The following MAPK4 variants were observed in gnomAD, a reference collection of about 807,000 sequenced individuals.
The protein encoded by MAPK4 is mitogen-activated protein kinase 4.
Under a neutral mutation model 47.7 loss-of-function variants are expected in MAPK4, and 22 were observed. The observed-to-expected ratio is 0.46, with a 90% CI of 0.33 to 0.66. The LOEUF is 0.66. Among genes scored for constraint, MAPK4 ranks in the 30% least tolerant of loss-of-function variants. MAPK4 has a pLI of 0.02. For missense variants in MAPK4, 736 were observed against 831.7 expected (o/e 0.88, Z 1.42); for synonymous variants, 390 against 365.7 (o/e 1.07, Z -0.76).
chr18:50,718,153 A>G (rs1447932519), intron 3 of MAPK4, among the ~76,000 whole-genome samples: 1 of 152,352 alleles, frequency 6.6e-6, no homozygotes, highest in East Asian at 1.9e-4. Context: ...AATGGCTAAC[A>G]GTGGCCTTTC....
At chr18:50,584,011 A>G (rs2042368614) in intron 1 of MAPK4, among the ~76,000 whole-genome samples, 1 of 152,196 alleles carries the variant, frequency 6.6e-6, no homozygotes, top group South Asian at 2.1e-4. Context: ...TTCAGGGCAT[A>G]TTGAGGATTG....
chr18:50,635,904 A>G (rs1022752280), intron 1 of MAPK4, among the ~76,000 whole-genome samples: 9 of 152,186 alleles, frequency 5.9e-5, no homozygotes, highest in Admixed American at 5.9e-4. Flanking sequence ...GGCCTGGTCC[A>G]CTATAGTCCA....
rs763078166 is a variant in MAPK4 at position 50,664,268 on chromosome 18, G to A, written c.310G>A (p.Val104Ile). The change falls in exon 2 of 6, where the codon GTC becomes ATC. Residue 104 changes from valine (V) to isoleucine (I), a missense_variant. Physicochemically the swap from Val to Ile is conservative, Grantham distance 29 (BLOSUM62 3). Coordinates refer to ENST00000400384, the MANE Select transcript of MAPK4 (RefSeq NM_002747.4). This position sits in a 1 kb window ranked among gnomAD's most constrained non-coding sequence, Gnocchi z 6.0. Reference protein sequence around the residue: ...ELFKFSVAYIVQEYMETDLAR... With the variant: ...ELFKFSVAYIIQEYMETDLAR... ...GTTCAAGTTCAGCGTGGCGTACATCGTCCAGGAGTACATGGAGACCGACCT... is the reference window on the plus strand; with the variant it reads ...GTTCAAGTTCAGCGTGGCGTACATCATCCAGGAGTACATGGAGACCGACCT... 71 of 1,613,528 alleles carry A rather than the reference G, an allele frequency of 4.4e-5. No homozygotes were observed. Among genetic ancestry groups the A allele is most frequent in the South Asian group, 2.7e-4 (25 of 91,084 alleles).
chr18:50,699,489 AAATAT>A (rs1909671230), intron 2 of MAPK4, among the ~76,000 whole-genome samples: 1 of 152,256 alleles, frequency 6.6e-6, no homozygotes, highest in Admixed American at 6.5e-5. Context: ...CAATATTGCT[AAATAT>A]AAGATCAATA....
At chr18:50,624,672 T>C (rs1356112689) in intron 1 of MAPK4, among the ~76,000 whole-genome samples, 1 of 152,256 alleles carries the variant, frequency 6.6e-6, no homozygotes, top group African/African-American at 2.4e-5. Flanking sequence ...ATGATGAATT[T>C]ACAATTTTTT....
chr18:50,719,004 A>T (rs1910782210), intron 3 of MAPK4, among the ~76,000 whole-genome samples: 1 of 151,396 alleles, frequency 6.6e-6, no homozygotes, highest in Non-Finnish European at 1.5e-5. Flanking sequence ...GAATTGCTTG[A>T]ACCAGGACGG....
intron 2 of MAPK4, among the ~76,000 whole-genome samples, chr18:50,694,371 C>T (rs1046577955): frequency 6.6e-6 from 1 of 152,180 alleles, no homozygotes; most frequent in African/African-American, 2.4e-5. Flanking sequence ...CCCCTCACCT[C>T]AGAAGTCCCC....
intron 1 of MAPK4, among the ~76,000 whole-genome samples, chr18:50,604,533 C>G (rs2042566809): frequency 6.6e-6 from 1 of 152,206 alleles, no homozygotes; most frequent in Non-Finnish European, 1.5e-5. Flanking sequence ...CTTGCTAAAT[C>G]CTAAACAGTT....
intron 1 of MAPK4, among the ~76,000 whole-genome samples, chr18:50,613,752 C>T (rs2042659686): frequency 6.6e-6 from 1 of 152,108 alleles, no homozygotes. Flanking sequence ...GAATAATAAC[C>T]AATGAATTAT....
intron 1 of MAPK4, among the ~76,000 whole-genome samples, chr18:50,620,303 A>T (rs1319836757): frequency 6.6e-6 from 1 of 152,206 alleles, no homozygotes; most frequent in Non-Finnish European, 1.5e-5. Context: ...GCTGACTAGA[A>T]CTTGGATCTC....
intron 1 of MAPK4, among the ~76,000 whole-genome samples, chr18:50,622,778 T>C (rs1040674627): frequency 1.3e-5 from 2 of 152,250 alleles, no homozygotes; most frequent in African/African-American, 4.8e-5. Context: ...ATTTTGTGAA[T>C]GATTGTATAG....
intron 1 of MAPK4, among the ~76,000 whole-genome samples, chr18:50,586,059 C>A (rs917827014): frequency 2.6e-5 from 4 of 152,086 alleles, no homozygotes; most frequent in African/African-American, 9.7e-5. Flanking sequence ...CAGTAATGAC[C>A]CATTATCATC....
chr18:50,680,246 C>A (rs1908517722), intron 2 of MAPK4, among the ~76,000 whole-genome samples: 1 of 151,738 alleles, frequency 6.6e-6, no homozygotes, highest in South Asian at 2.1e-4. Flanking sequence ...TGCCCACCAC[C>A]ACGCCCAGCT....
intron 1 of MAPK4, among the ~76,000 whole-genome samples, chr18:50,648,838 G>A (rs1490627108): frequency 6.6e-6 from 1 of 152,158 alleles, no homozygotes; most frequent in Non-Finnish European, 1.5e-5. Context: ...TGGCCTCATG[G>A]GGGCAGGTCA....
intron 1 of MAPK4, among the ~76,000 whole-genome samples, chr18:50,592,808 CTT>C (rs1410753488): frequency 2.0e-5 from 3 of 152,184 alleles, no homozygotes; most frequent in Non-Finnish European, 4.4e-5. Flanking sequence ...TGTAGTCCAA[CTT>C]TTCATCTAAT....
At chr18:50,608,505 A>G (rs1016179785) in intron 1 of MAPK4, among the ~76,000 whole-genome samples, 4 of 152,126 alleles carry the variant, frequency 2.6e-5, no homozygotes, top group African/African-American at 9.7e-5. Context: ...ATGACAACTC[A>G]AGGTGTTATC....
At chr18:50,601,679 C>T (rs914658409) in intron 1 of MAPK4, among the ~76,000 whole-genome samples, 1 of 152,112 alleles carries the variant, frequency 6.6e-6, no homozygotes, top group African/African-American at 2.4e-5. Flanking sequence ...TCTTGGAGAT[C>T]CTGTTTGCTG....
At chr18:50,728,305 G>A (rs1284618352) in intron 5 of MAPK4, among the ~76,000 whole-genome samples, 1 of 152,204 alleles carries the variant, frequency 6.6e-6, no homozygotes, top group African/African-American at 2.4e-5. Context: ...ATTTGCTCTT[G>A]GCTAGCTGAC....
chr18:50,681,828 A>G (rs1405698314), intron 2 of MAPK4, among the ~76,000 whole-genome samples: 2 of 152,202 alleles, frequency 1.3e-5, no homozygotes, highest in Non-Finnish European at 2.9e-5. Context: ...TCCGTTTTGA[A>G]GTCAGGAAGT....
Sources: gnomAD v4.1 joint callset for allele counts (sites outside exome capture counted in the v4.1 genomes callset) on GRCh38, gnomAD v4.1.1 for gene constraint, Gnocchi (gnomAD v3.1) non-coding constraint, MANE v1.5 for transcripts, NCBI Gene and HGNC (gene_info 2026-07-23, HGNC 2026-07-21) for gene names.